The following DGKB variants were observed in gnomAD, a reference collection of about 807,000 sequenced individuals.
The protein encoded by DGKB is diacylglycerol kinase beta.
A neutral mutation model predicts 114.3 loss-of-function variants in DGKB; 67 were observed. That is an observed-to-expected ratio of 0.59 (90% CI 0.48 to 0.72). The LOEUF is 0.72. Ranked by LOEUF, DGKB falls within the 30% of genes least tolerant of loss-of-function variation. The probability of loss-of-function intolerance (pLI) is 0.00; values close to 1 mark genes in which losing one functional copy is unlikely to be tolerated. For missense variants in DGKB, 907 were observed against 975.2 expected, an observed-to-expected ratio of 0.93 and a Z score of 0.93; for synonymous variants, 398 against 323.1, an observed-to-expected ratio of 1.23 and a Z score of -2.49.
intron 20 of DGKB, among the ~76,000 whole-genome samples, chr7:14,534,422 G>A (rs935043421): frequency 6.6e-6 from 1 of 151,988 alleles, no homozygotes; most frequent in Non-Finnish European, 1.5e-5. Flanking sequence ...AAAAAACAAT[G>A]GACAAAGTGG....
At chr7:14,312,159 G>C (rs536616850) in intron 23 of DGKB, among the ~76,000 whole-genome samples, 66 of 152,296 alleles carry the variant, frequency 4.3e-4, no homozygotes, top group Middle Eastern at 3.4e-3. Flanking sequence ...CACTTATAGA[G>C]TTTTAACTTG....
chr7:14,693,936 T>C (rs552681723), intron 9 of DGKB, 139 bp downstream of exon 9: 4 of 877,946 alleles, frequency 4.6e-6, no homozygotes, highest in South Asian at 3.6e-5. Context: ...AATTGCACCG[T>C]GGCATACTTA....
chr7:14,417,660 A>T (rs1825914929), intron 21 of DGKB, among the ~76,000 whole-genome samples: 1 of 151,706 alleles, frequency 6.6e-6, no homozygotes, highest in South Asian at 2.1e-4. Context: ...TGGACATGTG[A>T]AAATTGGAAA....
At chr7:14,286,934 A>G (rs982410212) in intron 23 of DGKB, among the ~76,000 whole-genome samples, 2 of 152,130 alleles carry the variant, frequency 1.3e-5, no homozygotes, top group Admixed American at 1.3e-4. Flanking sequence ...CACTTACATT[A>G]CCTTTCCTAT....
At chr7:14,176,379 G>T (rs1247788961) in intron 25 of DGKB, 5 of 984,730 alleles carry the variant, frequency 5.1e-6, no homozygotes, top group African/African-American at 3.5e-5. Context: ...AAACTGGAGA[G>T]AAATTTTTTT....
At chr7:14,618,786 C>T (rs1293941029) in intron 15 of DGKB, among the ~76,000 whole-genome samples, 1 of 151,362 alleles carries the variant, frequency 6.6e-6, no homozygotes, top group African/African-American at 2.4e-5. Flanking sequence ...GATGAATGTG[C>T]TTAACTATGA....
intron 21 of DGKB, among the ~76,000 whole-genome samples, chr7:14,442,159 A>G (rs1031025276): frequency 2.6e-5 from 4 of 152,124 alleles, no homozygotes; most frequent in South Asian, 2.1e-4. Context: ...GAAAATATCA[A>G]TGAATGAAGG....
chr7:14,803,271 A>C (rs1198651618), intron 2 of DGKB, among the ~76,000 whole-genome samples: 10 of 152,108 alleles, frequency 6.6e-5, no homozygotes, highest in Non-Finnish European at 1.3e-4. Flanking sequence ...GAAGAGAGAA[A>C]GTGATTTATT....
chr7:14,927,742 AAAAC>A (rs1464237916), intron 1 of DGKB, among the ~76,000 whole-genome samples: 1 of 152,038 alleles, frequency 6.6e-6, no homozygotes, highest in Non-Finnish European at 1.5e-5. Flanking sequence ...CAGAGAATGA[AAAAC>A]AAACTCAGGA....
intron 1 of DGKB, among the ~76,000 whole-genome samples, chr7:14,850,733 A>T (rs1477075458): frequency 6.6e-6 from 1 of 152,222 alleles, no homozygotes; most frequent in Non-Finnish European, 1.5e-5. Context: ...TAGTAAAAAC[A>T]GCAGAGTTAA....
intron 2 of DGKB, among the ~76,000 whole-genome samples, chr7:14,768,090 C>T (rs1024123368): frequency 6.6e-6 from 1 of 151,982 alleles, no homozygotes; most frequent in Non-Finnish European, 1.5e-5. Context: ...TGAGCATATA[C>T]ATTTTAAGGA....
chr7:14,334,892 A>G (rs1276301876), intron 23 of DGKB, among the ~76,000 whole-genome samples: 1 of 152,194 alleles, frequency 6.6e-6, no homozygotes, highest in Non-Finnish European at 1.5e-5. Flanking sequence ...GTTTTGCTTC[A>G]AGACTATGCC....
chr7:14,845,396 C>G (rs759919202), intron 1 of DGKB, among the ~76,000 whole-genome samples: 4 of 152,116 alleles, frequency 2.6e-5, no homozygotes, highest in African/African-American at 4.8e-5. Flanking sequence ...TCTCCACACA[C>G]TACAATTAGG....
chr7:14,206,140 C>T (rs10275474), intron 23 of DGKB, among the ~76,000 whole-genome samples: 70,580 of 151,806 alleles, frequency 0.46, 19,386 homozygotes, highest in African/African-American at 0.77. Context: ...CTTATAGAGA[C>T]TACAGTCTAT....
chr7:14,322,036 T>G (rs1320977062), intron 23 of DGKB, among the ~76,000 whole-genome samples: 1 of 152,166 alleles, frequency 6.6e-6, no homozygotes, highest in Non-Finnish European at 1.5e-5. Flanking sequence ...ACAAACTGAT[T>G]AACAAAACAT....
chr7:14,751,556 G>A (rs983083181), intron 4 of DGKB, among the ~76,000 whole-genome samples: 1 of 152,158 alleles, frequency 6.6e-6, no homozygotes, highest in Non-Finnish European at 1.5e-5. Flanking sequence ...CAGAAATACT[G>A]GTTAACATAC....
intron 5 of DGKB, among the ~76,000 whole-genome samples, chr7:14,734,968 G>A (rs764446039): frequency 2.0e-5 from 3 of 152,146 alleles, no homozygotes; most frequent in Non-Finnish European, 4.4e-5. Context: ...GGGGAGTCGC[G>A]GGAGAAGGGG....
chr7:14,770,146 T>C (rs1183826360), intron 2 of DGKB, among the ~76,000 whole-genome samples: 1 of 151,986 alleles, frequency 6.6e-6, no homozygotes, highest in Non-Finnish European at 1.5e-5. Flanking sequence ...TGTTATGTGG[T>C]ATGTTCATTT....
intron 23 of DGKB, among the ~76,000 whole-genome samples, chr7:14,223,098 GC>G (rs1304561973): frequency 2.0e-5 from 3 of 151,548 alleles, no homozygotes; most frequent in African/African-American, 7.3e-5. Context: ...GACAATCTCT[GC>G]CTTTGATTAG....
Sources: allele counts gnomAD v4.1 joint callset (sites outside exome capture counted in the v4.1 genomes callset), GRCh38; gene constraint gnomAD v4.1.1; transcripts MANE v1.5; gene names NCBI Gene and HGNC (gene_info 2026-07-23, HGNC 2026-07-21).